Variants in CPA6 observed in about 807,000 individuals in gnomAD.
CPA6 encodes the protein carboxypeptidase B.
CPA6 carries 58 observed loss-of-function variants against 63.3 expected under a neutral mutation model. The observed-to-expected ratio is 0.92, with a 90% confidence interval of 0.74 to 1.14. The LOEUF is 1.14. Ranked by LOEUF, CPA6 falls within the 50% of genes most tolerant of loss-of-function variation. The pLI, the probability that CPA6 is intolerant of heterozygous loss-of-function variation, is 0.00. For synonymous variants in CPA6, 185 were observed against 179.0 expected, an observed-to-expected ratio of 1.03 and a Z score of -0.27; for missense variants, 565 against 526.6, an observed-to-expected ratio of 1.07 and a Z score of -0.71.
intron 1 of CPA6, among the ~76,000 whole-genome samples, chr8:67,694,753 G>T (rs988970063): frequency 6.6e-6 from 1 of 152,222 alleles, no homozygotes; most frequent in Admixed American, 6.5e-5. Context: ...AAAGTGGACA[G>T]CTGCAGCGCT....
intron 2 of CPA6, among the ~76,000 whole-genome samples, chr8:67,606,783 C>T (rs544509339): frequency 6.6e-6 from 1 of 152,268 alleles, no homozygotes; most frequent in Non-Finnish European, 1.5e-5. Context: ...GGAGGTTCTC[C>T]TTTGCCCATT....
intron 2 of CPA6, among the ~76,000 whole-genome samples, chr8:67,612,885 A>T (rs536155140): frequency 3.3e-5 from 5 of 152,334 alleles, no homozygotes; most frequent in Middle Eastern, 3.4e-3. Context: ...AGAGATACAG[A>T]CATTTTTGAT....
At chr8:67,450,969 T>C (rs1810544921) in intron 8 of CPA6, among the ~76,000 whole-genome samples, 1 of 152,222 alleles carries the variant, frequency 6.6e-6, no homozygotes. Flanking sequence ...TGAAGCTATT[T>C]ATTTATATAG....
chr8:67,495,873 C>T (rs2128962975), intron 6 of CPA6, among the ~76,000 whole-genome samples: 1 of 152,144 alleles, frequency 6.6e-6, no homozygotes, highest in South Asian at 2.1e-4. Context: ...CATTTTACTT[C>T]ATTGGACCAA....
chr8:67,551,187 C>T (rs1275303081), intron 2 of CPA6, among the ~76,000 whole-genome samples: 1 of 151,934 alleles, frequency 6.6e-6, no homozygotes, highest in African/African-American at 2.4e-5. Context: ...ATCTTTAATC[C>T]ATCTTGAGCT....
chr8:67,481,980 C>T (rs974346530), intron 8 of CPA6, among the ~76,000 whole-genome samples: 5 of 152,220 alleles, frequency 3.3e-5, no homozygotes, highest in Non-Finnish European at 4.4e-5. Context: ...GACATAATCC[C>T]TTGTATATCT....
At chr8:67,600,835 G>C (rs916018267) in intron 2 of CPA6, among the ~76,000 whole-genome samples, 1 of 152,088 alleles carries the variant, frequency 6.6e-6, no homozygotes, top group African/African-American at 2.4e-5. Context: ...TAAGAACAAA[G>C]GTTCACAAGA....
chr8:67,630,922 C>T (rs1387581147), intron 1 of CPA6, among the ~76,000 whole-genome samples: 1 of 152,254 alleles, frequency 6.6e-6, no homozygotes, highest in Non-Finnish European at 1.5e-5. Context: ...CCCACTGGTG[C>T]CATGCTTGAA....
rs1384079201 is a variant in CPA6, at chr8:67,571,459, A to G, written c.192+52717T>C. On this transcript the variant is annotated intron_variant, in intron 2 of 10. Transcript: ENST00000297770. Reference sequence around the variant, plus strand: ...GGTAGATCATTTGTTAGGCCACAGGACAAATCTTGGCAAATTTAAGAAGAT... The same window carrying G: ...GGTAGATCATTTGTTAGGCCACAGGGCAAATCTTGGCAAATTTAAGAAGAT... Among the ~76,000 whole-genome samples the G allele has an allele frequency of 2.0e-5, 3 of 152,246 alleles. No individual in the cohort carries two copies. The East Asian group carries it at 5.8e-4, about 29-fold the overall frequency.
chr8:67,604,976 C>T (rs1814592149), intron 2 of CPA6, among the ~76,000 whole-genome samples: 1 of 151,882 alleles, frequency 6.6e-6, no homozygotes, highest in Admixed American at 6.6e-5. Context: ...TGGGGTTTCA[C>T]CATGTTGGCC....
At chr8:67,658,288 A>G (rs1467185031) in intron 1 of CPA6, among the ~76,000 whole-genome samples, 1 of 152,032 alleles carries the variant, frequency 6.6e-6, no homozygotes. Context: ...TCTTTTTATG[A>G]CTGTCTCCCT....
intron 2 of CPA6, among the ~76,000 whole-genome samples, chr8:67,563,452 C>T (rs1813262516): frequency 6.6e-6 from 1 of 152,124 alleles, no homozygotes; most frequent in Admixed American, 6.6e-5. Context: ...AGCTAAATAT[C>T]ACCTTTTTTT....
chr8:67,710,950 A>T (rs1462987171), intron 1 of CPA6, among the ~76,000 whole-genome samples: 4 of 152,230 alleles, frequency 2.6e-5, no homozygotes, highest in African/African-American at 9.6e-5. Context: ...AATAAAAAAA[A>T]TACAAAGTAA....
intron 8 of CPA6, among the ~76,000 whole-genome samples, chr8:67,437,928 TG>T (rs112077830): frequency 0.38 from 56,542 of 150,530 alleles, 14,417 homozygotes; most frequent in African/African-American, 0.74. Context: ...TTCTGGGGGG[TG>T]GGGGGTGATG....
intron 1 of CPA6, among the ~76,000 whole-genome samples, chr8:67,675,392 C>T (rs1816447769): frequency 6.6e-6 from 1 of 152,118 alleles, no homozygotes; most frequent in Non-Finnish European, 1.5e-5. Context: ...TCTGCACCTG[C>T]TTGAGGTGGT....
intron 1 of CPA6, among the ~76,000 whole-genome samples, chr8:67,741,827 A>G (rs1238278891): frequency 2.0e-5 from 3 of 152,166 alleles, no homozygotes; most frequent in Non-Finnish European, 4.4e-5. Flanking sequence ...ACGTAATAAC[A>G]ATAGAAATAA....
rs575357285 is a variant in CPA6, at chr8:67,471,700, G to A, written c.838+12068C>T. 2.6e-5 allele frequency among the ~76,000 whole-genome samples: 4 copies of A among 152,186 alleles called. No individual in the cohort carries two copies. The South Asian group carries it at 8.3e-4, about 32-fold the overall frequency. On this transcript the variant is annotated intron_variant, in intron 8 of 10. Transcript: ENST00000297770. ...AAATATAAAAGGTGGTAGATAAAAA[G>A]AATATCATCATTTACCTACATCTGT...
chr8:67,582,935 A>T (rs1391362386), intron 2 of CPA6, among the ~76,000 whole-genome samples: 1 of 151,936 alleles, frequency 6.6e-6, no homozygotes, highest in East Asian at 1.9e-4. Flanking sequence ...TGGGGTTGAT[A>T]GTCTTTATTT....
intron 8 of CPA6, among the ~76,000 whole-genome samples, chr8:67,466,091 T>TG (rs1359747735): frequency 3.3e-5 from 5 of 151,328 alleles, no homozygotes; most frequent in African/African-American, 1.2e-4. Flanking sequence ...CTTGTTTTTT[T>TG]TTTTTTTTTT....
Sources: allele counts gnomAD v4.1 joint callset (sites outside exome capture counted in the v4.1 genomes callset), GRCh38; gene constraint gnomAD v4.1.1; transcripts MANE v1.5; gene names NCBI Gene and HGNC (gene_info 2026-07-23, HGNC 2026-07-21).